The following PTCHD4 variants were observed in gnomAD, a reference collection of about 807,000 sequenced individuals.
The protein encoded by PTCHD4 is patched domain containing 4.
In PTCHD4, 33 loss-of-function variants were observed where a neutral mutation model predicts 58.1. The ratio of observed to expected loss-of-function variants is 0.57; its 90% CI spans 0.43 to 0.76. The LOEUF (loss-of-function observed/expected upper bound fraction) is 0.76. Among genes scored for constraint, PTCHD4 ranks in the 30% least tolerant of loss-of-function variants. PTCHD4 has a pLI of 0.00. For missense variants in PTCHD4, 1,058 were observed against 1,027.1 expected, an observed-to-expected ratio of 1.03 and a Z score of -0.41; for synonymous variants, 478 against 409.6, an observed-to-expected ratio of 1.17 and a Z score of -2.02.
At chr6:48,040,777 T>C (rs1214395476) in intron 3 of PTCHD4, among the ~76,000 whole-genome samples, 1 of 152,016 alleles carries the variant, frequency 6.6e-6, no homozygotes, top group Non-Finnish European at 1.5e-5. Context: ...CAAGACAACA[T>C]ATCTCATAAT....
intron 4 of PTCHD4, among the ~76,000 whole-genome samples, chr6:48,005,985 A>G (rs1762424237): frequency 6.6e-6 from 1 of 152,206 alleles, no homozygotes; most frequent in Admixed American, 6.5e-5. Context: ...CTTTTCTACT[A>G]CAATCATTTT....
chr6:48,032,444 A>G (rs972602864), intron 3 of PTCHD4, among the ~76,000 whole-genome samples: 10 of 151,436 alleles, frequency 6.6e-5, no homozygotes, highest in African/African-American at 2.2e-4. Flanking sequence ...GTGCGTGTGT[A>G]TGTGTGTGTG....
intron 1 of PTCHD4, among the ~76,000 whole-genome samples, chr6:48,106,668 G>A (rs1275495070): frequency 6.6e-6 from 1 of 152,162 alleles, no homozygotes; most frequent in African/African-American, 2.4e-5. Context: ...AATTGTTCCT[G>A]TTTGCAGATG....
At chr6:48,001,048 G>C (rs565378236) in intron 4 of PTCHD4, among the ~76,000 whole-genome samples, 11 of 152,196 alleles carry the variant, frequency 7.2e-5, no homozygotes, top group African/African-American at 2.7e-4. Flanking sequence ...CAACTTACAA[G>C]GGATGTGAAG....
chr6:47,981,837 T>C (rs1178084260), intron 4 of PTCHD4, among the ~76,000 whole-genome samples: 1 of 152,198 alleles, frequency 6.6e-6, no homozygotes, highest in Non-Finnish European at 1.5e-5. Context: ...GGCAGTTCCC[T>C]AGATTAGGAG....
At chr6:47,984,822 T>C (rs1433821374) in intron 4 of PTCHD4, among the ~76,000 whole-genome samples, 2 of 152,064 alleles carry the variant, frequency 1.3e-5, no homozygotes, top group Non-Finnish European at 2.9e-5. Flanking sequence ...AAAATAAATT[T>C]GAATGTAATA....
At chr6:48,077,891 C>T (rs1582117287) in intron 1 of PTCHD4, among the ~76,000 whole-genome samples, 2 of 152,186 alleles carry the variant, frequency 1.3e-5, no homozygotes, top group Admixed American at 1.3e-4. Flanking sequence ...CCATCAAAGA[C>T]CACTGATCAC....
At position 48,040,472 on chromosome 6, in the gene PTCHD4, GAA is replaced by G. The variant is rs11335428; in HGVS notation, c.417+27756_417+27757del. On this transcript the variant is annotated intron_variant, in intron 3 of 4. Coordinates refer to ENST00000339488, the MANE Select transcript of PTCHD4 (RefSeq NM_001384253.1). The stretch of plus-strand genomic sequence containing the variant: ...TGCCTCAGAGGAGTCAGAAAGAAAG[GAA>G]AAAAAAAAATGTCTGGTGCATCCTA... 2.3e-3 allele frequency among the ~76,000 whole-genome samples: 339 copies of G among 150,500 alleles called. 4 individuals are homozygous for G. The highest frequency in any genetic ancestry group is 6.4e-3 in the African/African-American group (261 of 40,974).
At chr6:48,080,698 A>G (rs1026998262) in intron 1 of PTCHD4, among the ~76,000 whole-genome samples, 1 of 152,230 alleles carries the variant, frequency 6.6e-6, no homozygotes, top group African/African-American at 2.4e-5. Context: ...AAGATAAAAG[A>G]AGTATAAATG....
intron 4 of PTCHD4, among the ~76,000 whole-genome samples, chr6:47,910,269 T>A (rs1400196307): frequency 6.6e-6 from 1 of 152,152 alleles, no homozygotes; most frequent in African/African-American, 2.4e-5. Context: ...CCTCACCTAG[T>A]CAAGACGTCC....
intron 4 of PTCHD4, among the ~76,000 whole-genome samples, chr6:47,892,156 C>T (rs888704876): frequency 2.6e-5 from 4 of 152,068 alleles, no homozygotes; most frequent in Admixed American, 2.0e-4. Context: ...ACTAAAAATT[C>T]ATTGCTTTAG....
chr6:47,965,570 G>C (rs1428854827), intron 4 of PTCHD4, among the ~76,000 whole-genome samples: 2 of 152,146 alleles, frequency 1.3e-5, no homozygotes, highest in African/African-American at 2.4e-5. Context: ...TGTAAATTGT[G>C]ATGCAGAACT....
intron 4 of PTCHD4, among the ~76,000 whole-genome samples, chr6:47,903,243 C>T (rs1259554270): frequency 1.3e-5 from 2 of 152,236 alleles, no homozygotes; most frequent in South Asian, 2.1e-4. Context: ...GTGATAGTAT[C>T]TTCGTTCAGG....
In PTCHD4 at chr6:48,090,003, A is replaced by G. The variant is rs531679489; in HGVS notation, c.-969-20077T>C. Among the ~76,000 whole-genome samples, 5 of 152,254 alleles carry G rather than the reference A, an allele frequency of 3.3e-5. No individual in the cohort carries two copies. The East Asian group carries it at 9.6e-4, about 29-fold the overall frequency. On this transcript the variant is annotated intron_variant, in intron 1 of 4. Transcript: ENST00000339488. ...TTTTAAATGTTCATCACTGTTCTAT[A>G]TAGTTTCTCAGAACTATTTCTCCAG...
intron 4 of PTCHD4, among the ~76,000 whole-genome samples, chr6:47,914,132 T>G (rs544955822): frequency 5.6e-4 from 86 of 152,312 alleles, no homozygotes; most frequent in African/African-American, 2.0e-3. Context: ...TGGTATTATA[T>G]ACACAAAATA....
At chr6:48,054,671 T>A (rs1446952628) in intron 3 of PTCHD4, among the ~76,000 whole-genome samples, 1 of 152,156 alleles carries the variant, frequency 6.6e-6, no homozygotes, top group African/African-American at 2.4e-5. Context: ...GGTGAACTTT[T>A]GTGCAACCGG....
chr6:47,913,580 A>G (rs536519439), intron 4 of PTCHD4, among the ~76,000 whole-genome samples: 1 of 152,118 alleles, frequency 6.6e-6, no homozygotes, highest in South Asian at 2.1e-4. Flanking sequence ...AATGGGGAAA[A>G]TATTATATAT....
rs150424229 is a variant in PTCHD4 at position 47,880,915 on chromosome 6, T to G, written c.899-979A>C. Among the ~76,000 whole-genome samples, 417 of 152,288 alleles carry G rather than the reference T, an allele frequency of 2.7e-3. 3 individuals carry two copies. Among genetic ancestry groups the G allele is most frequent in the African/African-American group, 8.1e-3 (336 of 41,558 alleles). On this transcript the variant is annotated intron_variant, in intron 4 of 4. Coordinates refer to ENST00000339488, the MANE Select transcript of PTCHD4 (RefSeq NM_001384253.1). Reference sequence around the variant, plus strand: ...ATTATACTATATCTGCAATTTCCCCTTTTTTCACTTCCCTGAATTGGACCT... The same window carrying G: ...ATTATACTATATCTGCAATTTCCCCGTTTTTCACTTCCCTGAATTGGACCT...
At chr6:47,921,434 T>C (rs2113886160) in intron 4 of PTCHD4, among the ~76,000 whole-genome samples, 1 of 152,278 alleles carries the variant, frequency 6.6e-6, no homozygotes, top group East Asian at 1.9e-4. Context: ...AAATATCCAT[T>C]TTCTCCCTCT....
Sources: allele counts gnomAD v4.1 joint callset (sites outside exome capture counted in the v4.1 genomes callset), GRCh38; gene constraint gnomAD v4.1.1; transcripts MANE v1.5; gene names NCBI Gene and HGNC (gene_info 2026-07-23, HGNC 2026-07-21).